The following IQCM variants were observed in gnomAD, a reference collection of about 807,000 sequenced individuals.
The protein encoded by IQCM is IQ motif containing M, also known as IQ domain-containing protein M.
IQCM carries 45 observed loss-of-function variants against 57.6 expected under a neutral mutation model. The observed-to-expected ratio is 0.78, with a 90% CI of 0.62 to 1.00. The LOEUF (loss-of-function observed/expected upper bound fraction) is 1.00, where lower values mean the gene tolerates loss of function less well. Among genes scored for constraint, IQCM ranks in the 50% least tolerant of loss-of-function variants. IQCM has a pLI of 0.00. For synonymous variants in IQCM, 148 were observed against 158.9 expected (o/e 0.93, Z 0.51); for missense variants, 468 against 511.6 (o/e 0.91, Z 0.82).
intron 10 of IQCM, among the ~76,000 whole-genome samples, chr4:149,555,932 A>C (rs1031023959): frequency 2.0e-5 from 3 of 152,150 alleles, no homozygotes; most frequent in African/African-American, 4.8e-5. Flanking sequence ...TTGGAAGGTT[A>C]CCTAGGGCTT....
At chr4:149,380,687 A>G (rs1731016794) in intron 13 of IQCM, among the ~76,000 whole-genome samples, 1 of 152,138 alleles carries the variant, frequency 6.6e-6, no homozygotes, top group Admixed American at 6.5e-5. Flanking sequence ...GGCAGAGGAA[A>G]TCAGGTATCA....
At chr4:149,359,480 AT>A (rs1284089465) in intron 13 of IQCM, among the ~76,000 whole-genome samples, 1 of 152,182 alleles carries the variant, frequency 6.6e-6, no homozygotes, top group Non-Finnish European at 1.5e-5. Context: ...ATTGGAATGC[AT>A]GGTAGAAAGT....
At chr4:149,648,063 C>G (rs532612286) in intron 7 of IQCM, among the ~76,000 whole-genome samples, 9 of 152,184 alleles carry the variant, frequency 5.9e-5, no homozygotes, top group Non-Finnish European at 8.8e-5. Context: ...TTCTGCTGTT[C>G]TATTTCAAAT....
At chr4:149,480,512 A>G (rs1740663245) in intron 12 of IQCM, among the ~76,000 whole-genome samples, 1 of 152,130 alleles carries the variant, frequency 6.6e-6, no homozygotes, top group African/African-American at 2.4e-5. Flanking sequence ...GAGAACACGC[A>G]ATATTGGTAT....
At chr4:149,459,926 G>T (rs768834584) in intron 12 of IQCM, among the ~76,000 whole-genome samples, 1 of 152,122 alleles carries the variant, frequency 6.6e-6, no homozygotes, top group Non-Finnish European at 1.5e-5. Flanking sequence ...ATTATTTTGA[G>T]TAAATACTCA....
intron 6 of IQCM, among the ~76,000 whole-genome samples, chr4:149,684,137 A>G (rs942112380): frequency 8.6e-5 from 13 of 151,496 alleles, no homozygotes; most frequent in Admixed American, 8.6e-4. Flanking sequence ...GGATGAACCC[A>G]TATCTATCAT....
chr4:149,642,849 T>C (rs1018706850), intron 7 of IQCM, among the ~76,000 whole-genome samples: 1 of 152,166 alleles, frequency 6.6e-6, no homozygotes, highest in Non-Finnish European at 1.5e-5. Context: ...ATATGTATTC[T>C]AGAGAGAAAA....
At chr4:149,742,824 G>A in intron 2 of IQCM, 85 bp from the exon 3 acceptor site, 2 of 567,430 alleles carry the variant, frequency 3.5e-6, no homozygotes, top group African/African-American at 3.9e-5. Flanking sequence ...GGTAAATAGG[G>A]TGAATGATTA....
At chr4:149,432,086 T>C (rs900036470) in intron 13 of IQCM, among the ~76,000 whole-genome samples, 1 of 151,724 alleles carries the variant, frequency 6.6e-6, no homozygotes, top group Non-Finnish European at 1.5e-5. Flanking sequence ...AGGAAAAGAA[T>C]GGCTAGGCTT....
chr4:149,461,846 T>C lies in IQCM; in HGVS notation c.1229-28289A>G, dbSNP rs116231154. ...TATATATATATAGTGTGTATATATATATATAAATATCCTGACACTATATCT... is the reference window on the plus strand; with the variant it reads ...TATATATATATAGTGTGTATATATACATATAAATATCCTGACACTATATCT... On this transcript the variant is annotated intron_variant, in intron 12 of 13. Coordinates refer to ENST00000636793, the MANE Select transcript of IQCM (RefSeq NM_001363507.2). 8.1e-3 allele frequency among the ~76,000 whole-genome samples: 1,227 copies of C among 151,814 alleles called. 10 individuals are homozygous for C. Among genetic ancestry groups the C allele is most frequent in the Non-Finnish European group, 0.012 (819 of 67,948 alleles).
At chr4:149,452,469 T>C (rs1205704626) in intron 12 of IQCM, among the ~76,000 whole-genome samples, 1 of 151,514 alleles carries the variant, frequency 6.6e-6, no homozygotes. Flanking sequence ...GACAATATGA[T>C]ATTCATGTAA....
intron 9 of IQCM, among the ~76,000 whole-genome samples, chr4:149,578,761 G>A (rs1751896157): frequency 6.6e-6 from 1 of 151,740 alleles, no homozygotes; most frequent in Admixed American, 6.6e-5. Context: ...ATGTTTTATT[G>A]CCAACCACGT....
chr4:149,638,508 C>T (rs1178377427), intron 7 of IQCM, among the ~76,000 whole-genome samples: 2 of 151,514 alleles, frequency 1.3e-5, no homozygotes, highest in Admixed American at 1.3e-4. Context: ...AGATGTTCAA[C>T]AATATAATGA....
intron 13 of IQCM, among the ~76,000 whole-genome samples, chr4:149,402,780 T>C (rs1024369308): frequency 2.0e-5 from 3 of 151,928 alleles, no homozygotes; most frequent in Non-Finnish European, 4.4e-5. Flanking sequence ...AAATAAATTA[T>C]GCCTTTATTT....
intron 13 of IQCM, among the ~76,000 whole-genome samples, chr4:149,353,101 T>C (rs2110861494): frequency 6.6e-6 from 1 of 152,240 alleles, no homozygotes; most frequent in East Asian, 1.9e-4. Flanking sequence ...AACAACAAGA[T>C]TAAATTGGGC....
chr4:149,686,518 A>T, intron 5 of IQCM, 50 bp from the exon 6 acceptor site: 1 of 769,242 alleles, frequency 1.3e-6, no homozygotes, highest in Non-Finnish European at 1.8e-6. Context: ...TTCAAGTTGT[A>T]AGTGCATTTT....
chr4:149,373,179 GTTATT>G (rs1051850577), intron 13 of IQCM, among the ~76,000 whole-genome samples: 1 of 152,082 alleles, frequency 6.6e-6, no homozygotes, highest in Non-Finnish European at 1.5e-5. Context: ...CACTTTATAT[GTTATT>G]TTATTTTTTT....
At chr4:149,366,703 A>C (rs549420502) in intron 13 of IQCM, among the ~76,000 whole-genome samples, 1 of 152,004 alleles carries the variant, frequency 6.6e-6, no homozygotes, top group Non-Finnish European at 1.5e-5. Context: ...CAAACAGAAG[A>C]AGCTACAAGA....
rs147613310 is a variant in IQCM at position 149,719,892 on chromosome 4, T to C, written c.385+13352A>G. ...TTTCCAAATCAGACTGAAATCTTGT[T>C]ACCAGTTCTAAGGTTAAAGAATACC... On this transcript the variant is annotated intron_variant, in intron 5 of 13. Coordinates refer to ENST00000636793, the MANE Select transcript of IQCM (RefSeq NM_001363507.2). Among the ~76,000 whole-genome samples, 250 of 152,294 alleles carry C rather than the reference T, an allele frequency of 1.6e-3. 3 individuals are homozygous for C. The highest frequency in any genetic ancestry group is 5.7e-3 in the African/African-American group (238 of 41,558).
Sources: gnomAD v4.1 joint callset for allele counts (sites outside exome capture counted in the v4.1 genomes callset) on GRCh38, gnomAD v4.1.1 for gene constraint, MANE v1.5 for transcripts, NCBI Gene and HGNC (gene_info 2026-07-23, HGNC 2026-07-21) for gene names.